Variants in CACNG2 observed in about 807,000 individuals in gnomAD.
CACNG2 encodes the protein calcium voltage-gated channel auxiliary subunit gamma 2, also known as voltage-dependent calcium channel gamma-2 subunit.
A neutral mutation model predicts 25.9 loss-of-function variants in CACNG2; 3 were observed. That is an observed-to-expected ratio of 0.12 (90% CI 0.05 to 0.30). The LOEUF (loss-of-function observed/expected upper bound fraction) is 0.30, where lower values mean the gene tolerates loss of function less well. Among genes scored for constraint, CACNG2 ranks in the 10% least tolerant of loss-of-function variants. The pLI is 1.00. For missense variants in CACNG2, 341 were observed against 432.5 expected (o/e 0.79, Z 1.88); for synonymous variants, 167 against 173.3 (o/e 0.96, Z 0.29).
At chr22:36,694,414 G>A (rs1937306422) in intron 1 of CACNG2, among the ~76,000 whole-genome samples, 1 of 152,180 alleles carries the variant, frequency 6.6e-6, no homozygotes, top group Admixed American at 6.5e-5. Context: ...GGCCATCGCA[G>A]CTCACCAGCA....
intron 1 of CACNG2, among the ~76,000 whole-genome samples, chr22:36,692,692 C>T (rs1392978143): frequency 2.6e-5 from 4 of 152,214 alleles, no homozygotes; most frequent in African/African-American, 9.6e-5. Context: ...GTTCATTTGA[C>T]ACCTAGCTCC....
intron 1 of CACNG2, among the ~76,000 whole-genome samples, chr22:36,638,256 C>T (rs1035593426): frequency 4.6e-5 from 7 of 152,186 alleles, no homozygotes; most frequent in African/African-American, 1.7e-4. Flanking sequence ...TCTCTGCTCG[C>T]ATTGCCCACA....
intron 1 of CACNG2, among the ~76,000 whole-genome samples, chr22:36,660,227 C>T (rs915483393): frequency 1.3e-5 from 2 of 152,220 alleles, no homozygotes; most frequent in African/African-American, 2.4e-5. Flanking sequence ...CAGGACTTGG[C>T]ACCATGTAGG....
intron 2 of CACNG2, among the ~76,000 whole-genome samples, chr22:36,579,495 G>A (rs530651581): frequency 2.7e-5 from 4 of 148,634 alleles, no homozygotes; most frequent in Non-Finnish European, 3.0e-5. Flanking sequence ...CTCCACTACC[G>A]GGCCCGAGCA....
intron 2 of CACNG2, 42 bp downstream of exon 2, chr22:36,587,423 C>A: frequency 7.1e-7 from 1 of 1,403,354 alleles, no homozygotes; most frequent in African/African-American, 1.4e-5. Context: ...AAGGGCAGGG[C>A]CCACCACCAG....
chr22:36,588,593 C>T (rs547154117), intron 1 of CACNG2, among the ~76,000 whole-genome samples: 30 of 152,286 alleles, frequency 2.0e-4, no homozygotes, highest in Non-Finnish European at 3.7e-4. Flanking sequence ...TATGCTGGGG[C>T]GTATGCACAG....
intron 1 of CACNG2, among the ~76,000 whole-genome samples, chr22:36,690,095 T>C (rs1404456319): frequency 6.6e-6 from 1 of 152,246 alleles, no homozygotes; most frequent in East Asian, 1.9e-4. Context: ...TTTAGTTCTG[T>C]CTTCAGCTGT....
At chr22:36,625,921 C>CT (rs1007214228) in intron 1 of CACNG2, among the ~76,000 whole-genome samples, 3 of 151,822 alleles carry the variant, frequency 2.0e-5, no homozygotes, top group Non-Finnish European at 2.9e-5. Flanking sequence ...GCATTGACAC[C>CT]TTTTTTTTGT....
At position 36,662,145 on chromosome 22, in the gene CACNG2, A is replaced by AT. The variant is rs958456748; in HGVS notation, c.211+40220dup. On this transcript the variant is annotated intron_variant, in intron 1 of 3. Transcript: ENST00000300105. ...AGGCACACACCACCAAACCTGGCCA[A>AT]TTTTTTTTGTATTTTTAGTAGAGAT... Among the ~76,000 whole-genome samples the AT allele has an allele frequency of 9.5e-4, 143 of 150,576 alleles. 1 individual carries two copies. Among genetic ancestry groups the AT allele is most frequent in the African/African-American group, 3.0e-3 (122 of 41,154 alleles).
At position 36,702,446 on chromosome 22, in the gene CACNG2, C is replaced by G; in HGVS notation, c.131G>C (p.Ser44Thr). ...TTTGCTGGTTTCATTCTCACTGACA[C>G]TTTTGGTCTTGCAAACCCCTCTGGA... The part of the protein sequence containing the change: ...LYSRGVCKTK[S>T]VSENETSKKN... The change falls in exon 1 of 4, where the codon AGT becomes ACT. Residue 44 changes from serine to threonine, a missense_variant. Physicochemically the swap from Ser to Thr is moderately conservative, Grantham distance 58 (BLOSUM62 1). Coordinates refer to ENST00000300105, the MANE Select transcript of CACNG2 (RefSeq NM_006078.5). 6.2e-7 allele frequency: 1 copy of G among 1,614,128 alleles called. No homozygotes were observed. The highest frequency in any genetic ancestry group is 1.1e-5 in the South Asian group (1 of 91,082).
intron 1 of CACNG2, among the ~76,000 whole-genome samples, chr22:36,654,669 G>A (rs995003855): frequency 6.6e-6 from 1 of 152,178 alleles, no homozygotes; most frequent in African/African-American, 2.4e-5. Context: ...GCAGGCTATT[G>A]AGAAGAGGTG....
At chr22:36,580,188 G>T (rs1243077774) in intron 2 of CACNG2, among the ~76,000 whole-genome samples, 1 of 152,166 alleles carries the variant, frequency 6.6e-6, no homozygotes, top group Non-Finnish European at 1.5e-5. Context: ...ACCGGGAAGT[G>T]GCAGAGCTGG....
At chr22:36,674,647 C>T (rs899788350) in intron 1 of CACNG2, among the ~76,000 whole-genome samples, 6 of 152,164 alleles carry the variant, frequency 3.9e-5, no homozygotes, top group Non-Finnish European at 7.4e-5. Context: ...TTGATAAGGA[C>T]TCTTTTAATC....
At chr22:36,597,963 G>T (rs1935701733) in intron 1 of CACNG2, among the ~76,000 whole-genome samples, 1 of 152,240 alleles carries the variant, frequency 6.6e-6, no homozygotes, top group Non-Finnish European at 1.5e-5. Flanking sequence ...CTCAAGGGCA[G>T]AATTTCTTCT....
rs552905251 is a variant in CACNG2 at position 36,686,260 on chromosome 22, G to A, written c.211+16106C>T. On this transcript the variant is annotated intron_variant, in intron 1 of 3. Coordinates refer to ENST00000300105, the MANE Select transcript of CACNG2 (RefSeq NM_006078.5). Reference sequence around the variant, plus strand: ...CATACCAAGACAACAGCAACAGCTCGCTGCCACAACCCTCCTCAGATATAA... The same window carrying A: ...CATACCAAGACAACAGCAACAGCTCACTGCCACAACCCTCCTCAGATATAA... Among the ~76,000 whole-genome samples, 13 of 152,270 alleles carry A rather than the reference G, an allele frequency of 8.5e-5. No homozygotes were observed. The East Asian group carries it at 1.7e-3, about 20-fold the overall frequency.
intron 1 of CACNG2, among the ~76,000 whole-genome samples, chr22:36,660,900 A>T (rs1408293498): frequency 6.6e-6 from 1 of 152,216 alleles, no homozygotes; most frequent in African/African-American, 2.4e-5. Context: ...TCTGTGCCTC[A>T]GTTTCCTCAT....
At chr22:36,648,846 C>A (rs903440299) in intron 1 of CACNG2, among the ~76,000 whole-genome samples, 3 of 152,108 alleles carry the variant, frequency 2.0e-5, no homozygotes, top group Non-Finnish European at 4.4e-5. Context: ...TCCCTTTTCT[C>A]CAACTCCATC....
intron 1 of CACNG2, among the ~76,000 whole-genome samples, chr22:36,657,846 G>A (rs1045456875): frequency 2.6e-5 from 4 of 152,042 alleles, no homozygotes; most frequent in Admixed American, 6.6e-5. Context: ...TGGAGCCCCC[G>A]GGAGCCAGGC....
At chr22:36,637,665 A>C (rs1440281914) in intron 1 of CACNG2, among the ~76,000 whole-genome samples, 1 of 152,146 alleles carries the variant, frequency 6.6e-6, no homozygotes, top group South Asian at 2.1e-4. Flanking sequence ...CAAGGCTTCA[A>C]GAGGTCGGTG....
Sources: allele counts gnomAD v4.1 joint callset (sites outside exome capture counted in the v4.1 genomes callset), GRCh38; gene constraint gnomAD v4.1.1; transcripts MANE v1.5; gene names NCBI Gene and HGNC (gene_info 2026-07-23, HGNC 2026-07-21).